PCDH11Y: variants seen among roughly 807,000 people sequenced by gnomAD.
PCDH11Y encodes protocadherin-11 Y-linked.
For synonymous variants in PCDH11Y, 9 were observed against 83.6 expected (o/e 0.11, Z 4.87); for missense variants, 12 against 224.8 (o/e 0.05, Z 6.05).
At chrY:5,481,189 G>A in intron 2 of PCDH11Y, among the ~76,000 whole-genome samples, 1 of 32,682 alleles carries the variant, frequency 3.1e-5, no homozygotes. Context: ...GGCACAGGAG[G>A]GAATTTCCCA....
chrY:5,618,956 A>AC (rs2124702012), intron 4 of PCDH11Y, among the ~76,000 whole-genome samples: 2 of 31,187 alleles, frequency 6.4e-5, no homozygotes, highest in Non-Finnish European at 1.5e-4. Context: ...GCAGTGAGCC[A>AC]TGATTATGCC....
chrY:5,680,855 C>T, intron 4 of PCDH11Y, among the ~76,000 whole-genome samples: 3 of 31,615 alleles, frequency 9.5e-5, no homozygotes, highest in Non-Finnish European at 1.5e-4. Context: ...AGATAAATAG[C>T]CTCAAAAGCA....
intron 3 of PCDH11Y, among the ~76,000 whole-genome samples, chrY:5,577,443 G>A: frequency 3.0e-5 from 1 of 32,846 alleles, no homozygotes; most frequent in South Asian, 6.9e-4. Flanking sequence ...TGTAGAAAAT[G>A]GTAATTGCAT....
intron 4 of PCDH11Y, among the ~76,000 whole-genome samples, chrY:5,640,482 A>G (rs2053522471): frequency 3.0e-5 from 1 of 33,817 alleles, no homozygotes; most frequent in Non-Finnish European, 7.4e-5. Flanking sequence ...TGATTCATGG[A>G]CTATAGAATG....
intron 1 of PCDH11Y, among the ~76,000 whole-genome samples, chrY:5,070,584 G>A (rs2052698292): frequency 1.2e-4 from 4 of 33,612 alleles, no homozygotes; most frequent in African/African-American, 4.6e-4. Flanking sequence ...GGTTCAGTTA[G>A]CTTAATAATC....
At chrY:5,141,585 A>G (rs2124642490) in intron 2 of PCDH11Y, among the ~76,000 whole-genome samples, 1 of 28,488 alleles carries the variant, frequency 3.5e-5, no homozygotes, top group Non-Finnish European at 8.3e-5. Context: ...AATGGAACAG[A>G]ACAGAGCCCT....
intron 2 of PCDH11Y, among the ~76,000 whole-genome samples, chrY:5,328,634 A>T: frequency 3.0e-5 from 1 of 32,906 alleles, no homozygotes; most frequent in Non-Finnish European, 7.4e-5. Flanking sequence ...TGGGATAAAG[A>T]AAAAGGAGCA....
intron 2 of PCDH11Y, among the ~76,000 whole-genome samples, chrY:5,412,945 T>C (rs2053248722): frequency 3.0e-5 from 1 of 32,812 alleles, no homozygotes; most frequent in African/African-American, 1.2e-4. Context: ...ATTGGCCTCA[T>C]AGAATGAGTT....
chrY:5,554,184 A>G (rs2053421573), intron 3 of PCDH11Y, among the ~76,000 whole-genome samples: 61 of 33,737 alleles, frequency 1.8e-3, no homozygotes, highest in Non-Finnish European at 4.1e-3. Context: ...GATGGATGGC[A>G]CTTTTCCCCT....
At chrY:5,205,522 A>AAT (rs2052930682) in intron 2 of PCDH11Y, among the ~76,000 whole-genome samples, 103 of 23,897 alleles carry the variant, frequency 4.3e-3, no homozygotes, top group African/African-American at 0.011. Flanking sequence ...ATATACACTG[A>AAT]ATATATATAT....
chrY:5,157,461 A>G, intron 2 of PCDH11Y, among the ~76,000 whole-genome samples: 1 of 32,466 alleles, frequency 3.1e-5, no homozygotes, highest in Admixed American at 2.8e-4. Flanking sequence ...GAGTGTCTCT[A>G]AAGAGAAAGG....
At chrY:5,014,839 G>A in intron 1 of PCDH11Y, among the ~76,000 whole-genome samples, 9 of 33,020 alleles carry the variant, frequency 2.7e-4, no homozygotes, top group Non-Finnish European at 3.0e-4. Context: ...AAGCATTTCC[G>A]TAATAGAGTT....
At chrY:5,706,188 A>G in intron 4 of PCDH11Y, among the ~76,000 whole-genome samples, 1 of 31,912 alleles carries the variant, frequency 3.1e-5, no homozygotes, top group Non-Finnish European at 7.6e-5. Flanking sequence ...ATTTTACAGC[A>G]TCTTATTTCT....
chrY:5,474,803 T>C, intron 2 of PCDH11Y, among the ~76,000 whole-genome samples: 2 of 32,972 alleles, frequency 6.1e-5, no homozygotes, highest in Non-Finnish European at 1.5e-4. Flanking sequence ...TCCATGAACA[T>C]AGAATAGCTT....
intron 3 of PCDH11Y, among the ~76,000 whole-genome samples, chrY:5,507,476 T>C: frequency 3.0e-5 from 1 of 33,178 alleles, no homozygotes. Flanking sequence ...TAAACAATTA[T>C]AGAGGTCATG....
intron 2 of PCDH11Y, among the ~76,000 whole-genome samples, chrY:5,467,292 G>T: frequency 3.3e-5 from 1 of 30,698 alleles, no homozygotes; most frequent in Non-Finnish European, 7.9e-5. Context: ...GGATCCTAAG[G>T]GTCCATTTGA....
At chrY:5,307,798 A>G in intron 2 of PCDH11Y, among the ~76,000 whole-genome samples, 2 of 33,607 alleles carry the variant, frequency 6.0e-5, no homozygotes, top group East Asian at 1.6e-3. Context: ...AAATTTATGT[A>G]AGGCACACAA....
chrY:5,288,924 A>C, intron 2 of PCDH11Y, among the ~76,000 whole-genome samples: 1 of 32,336 alleles, frequency 3.1e-5, no homozygotes, highest in Non-Finnish European at 7.5e-5. Flanking sequence ...ACATATTAAC[A>C]TACATTTTAT....
At chrY:5,170,355 G>A (rs2052885394) in intron 2 of PCDH11Y, among the ~76,000 whole-genome samples, 1 of 29,796 alleles carries the variant, frequency 3.4e-5, no homozygotes, top group African/African-American at 1.3e-4. Flanking sequence ...ATGAAAGCAG[G>A]TCAAGTTTAA....
Sources: gnomAD v4.1 joint callset for allele counts (sites outside exome capture counted in the v4.1 genomes callset) on GRCh38, gnomAD v4.1.1 for gene constraint, MANE v1.5 for transcripts, NCBI Gene and HGNC (gene_info 2026-07-23, HGNC 2026-07-21) for gene names.